ANKFN1: variants seen among roughly 807,000 people sequenced by gnomAD.
The protein encoded by ANKFN1 is ankyrin repeat and fibronectin type-III domain-containing protein 1.
In ANKFN1, 74 loss-of-function variants were observed where a neutral mutation model predicts 108.7. The observed-to-expected ratio is 0.68, with a 90% CI of 0.56 to 0.83. The LOEUF is 0.83. Among genes scored for constraint, ANKFN1 ranks in the 40% least tolerant of loss-of-function variants. The probability of loss-of-function intolerance (pLI) is 0.00; values close to 1 mark genes in which losing one functional copy is unlikely to be tolerated. For missense variants in ANKFN1, 1,505 were observed against 1,382.3 expected, an observed-to-expected ratio of 1.09 and a Z score of -1.41; for synonymous variants, 547 against 516.2, an observed-to-expected ratio of 1.06 and a Z score of -0.81.
chr17:56,329,227 C>T (rs981633116), intron 4 of ANKFN1, among the ~76,000 whole-genome samples: 3 of 152,114 alleles, frequency 2.0e-5, no homozygotes, highest in Admixed American at 6.6e-5. Flanking sequence ...TTCCAAAGGT[C>T]CTGGTGTGGT....
At chr17:56,496,763 G>A (rs769391534) in intron 19 of ANKFN1, among the ~76,000 whole-genome samples, 4 of 151,860 alleles carry the variant, frequency 2.6e-5, no homozygotes, top group Non-Finnish European at 4.4e-5. Flanking sequence ...TATTTACTTC[G>A]TATCATATCA....
intron 4 of ANKFN1, among the ~76,000 whole-genome samples, chr17:56,055,603 T>TATATATATATATATATACATATA (rs1555588793): frequency 2.7e-5 from 1 of 37,704 alleles, no homozygotes; most frequent in Admixed American, 2.2e-4. Context: ...ATATACACAT[T>TATATATATATATATATACATATA]TTTTTATCCA....
chr17:56,507,242 T>C (rs1219637959), intron 20 of ANKFN1, among the ~76,000 whole-genome samples: 1 of 152,212 alleles, frequency 6.6e-6, no homozygotes, highest in Non-Finnish European at 1.5e-5. Context: ...AGTGTCCTAA[T>C]TTTCCCACTA....
intron 14 of ANKFN1, among the ~76,000 whole-genome samples, chr17:56,458,538 T>A (rs996233419): frequency 6.6e-6 from 1 of 152,194 alleles, no homozygotes; most frequent in South Asian, 2.1e-4. Flanking sequence ...AATTGATTTA[T>A]CCTTCCATAT....
chr17:56,189,169 A>ATTTTTTTTTTTT (rs1912593021), intron 1 of ANKFN1, among the ~76,000 whole-genome samples: 1 of 54,660 alleles, frequency 1.8e-5, no homozygotes, highest in African/African-American at 9.5e-5. Flanking sequence ...TGTTGCCCTG[A>ATTTTTTTTTTTT]CTTTTTTTTT....
At chr17:56,280,414 G>T (rs1036269114) in intron 3 of ANKFN1, among the ~76,000 whole-genome samples, 3 of 152,038 alleles carry the variant, frequency 2.0e-5, no homozygotes, top group Admixed American at 2.0e-4. Flanking sequence ...CAGAGTTGCT[G>T]GTTCTTGGGC....
At chr17:56,286,241 A>T (rs930465133) in intron 3 of ANKFN1, among the ~76,000 whole-genome samples, 1 of 152,144 alleles carries the variant, frequency 6.6e-6, no homozygotes, top group African/African-American at 2.4e-5. Flanking sequence ...GTTATCCTGG[A>T]GTCTATCTGA....
Position 56,350,816 on chromosome 17 carries a change from A to G in ANKFN1, c.239A>G (p.Gln80Arg), listed in dbSNP as rs1283573053. The change falls in exon 5 of 21, where the codon CAG (glutamine) becomes CGG (arginine). Residue 80 changes from glutamine (Q) to arginine (R), a missense_variant. Coordinates refer to ENST00000682825, the MANE Select transcript of ANKFN1 (RefSeq NM_001370326.1). ...CAAATGCAAAATTTACATCTCTGTC[A>G]GTCAAAAAAACATAGTGCTCCCTCA... ...TQQMQNLHLCQSKKHSAPSSP... is the reference protein window; with the variant it reads ...TQQMQNLHLCRSKKHSAPSSP... The G allele has an allele frequency of 1.1e-5, 17 of 1,613,718 alleles. No homozygotes were observed. The East Asian group carries it at 1.3e-4, about 13-fold the overall frequency.
chr17:56,324,867 G>A (rs895704039), intron 3 of ANKFN1, among the ~76,000 whole-genome samples: 1 of 152,202 alleles, frequency 6.6e-6, no homozygotes, highest in Non-Finnish European at 1.5e-5. Context: ...GGCCACCCAG[G>A]TTTTATGAGT....
At chr17:56,338,527 C>G (rs2144607346) in intron 4 of ANKFN1, among the ~76,000 whole-genome samples, 1 of 152,186 alleles carries the variant, frequency 6.6e-6, no homozygotes, top group African/African-American at 2.4e-5. Context: ...ATAAGGAACG[C>G]TCTCTTAAGA....
chr17:56,058,662 C>G (rs996136345), intron 4 of ANKFN1, among the ~76,000 whole-genome samples: 1 of 152,116 alleles, frequency 6.6e-6, no homozygotes, highest in Admixed American at 6.5e-5. Context: ...TCAACTCACA[C>G]TTATAAGTGA....
chr17:56,177,159 G>C (rs1324478267), intron 1 of ANKFN1, among the ~76,000 whole-genome samples: 1 of 152,144 alleles, frequency 6.6e-6, no homozygotes, highest in African/African-American at 2.4e-5. Context: ...GTGAACAGTT[G>C]ACTAGCCACC....
At chr17:56,259,484 T>C (rs1441738322) in intron 3 of ANKFN1, among the ~76,000 whole-genome samples, 3 of 152,154 alleles carry the variant, frequency 2.0e-5, no homozygotes, top group African/African-American at 2.4e-5. Context: ...CAATTTTCTA[T>C]GGATTGTCCC....
chr17:56,475,212 C>A (rs2050459334), intron 15 of ANKFN1, among the ~76,000 whole-genome samples: 1 of 152,194 alleles, frequency 6.6e-6, no homozygotes, highest in African/African-American at 2.4e-5. Context: ...AGTACTCCTT[C>A]TGCTGTAAGC....
At position 56,354,266 on chromosome 17, in the gene ANKFN1, A is replaced by G. The variant is rs1415749741; in HGVS notation, c.601+220A>G. On this transcript the variant is annotated intron_variant, in intron 6 of 20. Coordinates refer to ENST00000682825, the MANE Select transcript of ANKFN1 (RefSeq NM_001370326.1). The stretch of plus-strand genomic sequence containing the variant: ...ATAGAATATGCCGAATGGCATTAAA[A>G]AGGAACCCCCAAAGAACTTCTAAGA... 3.3e-5 allele frequency among the ~76,000 whole-genome samples: 5 copies of G among 152,236 alleles called. No homozygotes were observed. In the East Asian group the frequency reaches 9.6e-4, roughly 29 times the overall value.
chr17:56,154,711 G>T (rs1370593807), intron 1 of ANKFN1, among the ~76,000 whole-genome samples: 1 of 151,966 alleles, frequency 6.6e-6, no homozygotes, highest in Admixed American at 6.6e-5. Flanking sequence ...TTGGGGACAG[G>T]AACTATACAG....
chr17:56,459,103 G>GT (rs972752546), intron 14 of ANKFN1, among the ~76,000 whole-genome samples: 18 of 151,696 alleles, frequency 1.2e-4, no homozygotes, highest in South Asian at 8.4e-4. Context: ...ACTCACTCGG[G>GT]TTTTTTTTGG....
intron 1 of ANKFN1, among the ~76,000 whole-genome samples, chr17:56,189,610 A>C (rs1359687679): frequency 1.3e-5 from 2 of 152,198 alleles, no homozygotes; most frequent in African/African-American, 4.8e-5. Flanking sequence ...ATACAGTCTC[A>C]TGGGACTGAA....
In ANKFN1 at chr17:56,277,942, G is replaced by A. The variant is rs963784305; in HGVS notation, c.54-48279G>A. On this transcript the variant is annotated intron_variant, in intron 3 of 20. Coordinates refer to ENST00000682825, the MANE Select transcript of ANKFN1 (RefSeq NM_001370326.1). ...TGACCTTTTCAATATATGACTCTAC[G>A]AATAAGATCAAGACATGATACACAC... Among the ~76,000 whole-genome samples the A allele has an allele frequency of 2.6e-5, 4 of 152,152 alleles. No individual in the cohort carries two copies. The East Asian group carries it at 5.8e-4, about 22-fold the overall frequency.
Sources: allele counts gnomAD v4.1 joint callset (sites outside exome capture counted in the v4.1 genomes callset), GRCh38; gene constraint gnomAD v4.1.1; transcripts MANE v1.5; gene names NCBI Gene and HGNC (gene_info 2026-07-23, HGNC 2026-07-21).